CTNNA3: variants seen among roughly 807,000 people sequenced by gnomAD.
CTNNA3 encodes catenin alpha-3.
Under a neutral mutation model 95.7 loss-of-function variants are expected in CTNNA3, and 76 were observed. That is an observed-to-expected ratio of 0.79 (90% CI 0.66 to 0.96). CTNNA3 has a LOEUF of 0.96. Ranked by LOEUF, CTNNA3 falls within the 40% of genes least tolerant of loss-of-function variation. The pLI is 0.00. For missense variants in CTNNA3, 1,191 were observed against 1,089.8 expected, an observed-to-expected ratio of 1.09 and a Z score of -1.31; for synonymous variants, 431 against 374.4, an observed-to-expected ratio of 1.15 and a Z score of -1.74.
At chr10:66,393,090 A>T (rs1038264940) in intron 11 of CTNNA3, among the ~76,000 whole-genome samples, 1 of 152,250 alleles carries the variant, frequency 6.6e-6, no homozygotes, top group African/African-American at 2.4e-5. Context: ...CCAAGAAAAG[A>T]CATGCAGGAA....
rs556547553 is a variant in CTNNA3, at chr10:66,448,142, A to C, written c.1532-68790T>G. Among the ~76,000 whole-genome samples the C allele has an allele frequency of 1.1e-3, 165 of 152,248 alleles. 1 individual carries two copies. Among genetic ancestry groups the C allele is most frequent in the African/African-American group, 3.7e-3 (154 of 41,556 alleles). ...CCACAATGAGATACCATCTCACACC[A>C]GTTAGAATGGCAATCATTAAAAAGT... On this transcript the variant is annotated intron_variant, in intron 11 of 17. Coordinates refer to ENST00000433211, the MANE Select transcript of CTNNA3 (RefSeq NM_013266.4).
At chr10:66,087,204 C>T (rs1170399446) in intron 14 of CTNNA3, among the ~76,000 whole-genome samples, 1 of 152,098 alleles carries the variant, frequency 6.6e-6, no homozygotes, top group Non-Finnish European at 1.5e-5. Context: ...ACACCATCTC[C>T]TCAAGCCCCT....
intron 7 of CTNNA3, among the ~76,000 whole-genome samples, chr10:66,786,724 A>C (rs1267990801): frequency 6.6e-6 from 1 of 152,206 alleles, no homozygotes; most frequent in Non-Finnish European, 1.5e-5. Flanking sequence ...TTTAAATTCC[A>C]AAAGCTACCT....
intron 11 of CTNNA3, among the ~76,000 whole-genome samples, chr10:66,516,576 G>T (rs547773084): frequency 6.6e-6 from 1 of 152,240 alleles, no homozygotes; most frequent in East Asian, 1.9e-4. Flanking sequence ...CTGCAAAGGT[G>T]GGGGTATTTA....
intron 7 of CTNNA3, among the ~76,000 whole-genome samples, chr10:66,947,880 T>C (rs1018181405): frequency 3.0e-4 from 45 of 152,320 alleles, no homozygotes; most frequent in African/African-American, 1.1e-3. Context: ...TTAGGCAATT[T>C]TGTCATTGTG....
intron 1 of CTNNA3, among the ~76,000 whole-genome samples, chr10:67,686,774 C>A (rs762940326): frequency 4.6e-5 from 7 of 152,228 alleles, no homozygotes; most frequent in Non-Finnish European, 8.8e-5. Flanking sequence ...TGAGTAAGGA[C>A]CCCAAGAGCT....
intron 9 of CTNNA3, among the ~76,000 whole-genome samples, chr10:66,722,767 T>A (rs568078859): frequency 6.6e-6 from 1 of 151,830 alleles, no homozygotes; most frequent in East Asian, 1.9e-4. Context: ...TGTAAACTTA[T>A]AAGAAGTTTC....
In CTNNA3 at chr10:66,845,713, A is replaced by ATAAATAAAT. The variant is rs1380021748; in HGVS notation, c.1048-70190_1048-70189insATTTATTTA. On this transcript the variant is annotated intron_variant, in intron 7 of 17. Coordinates refer to ENST00000433211, the MANE Select transcript of CTNNA3 (RefSeq NM_013266.4). ...AGCAAAACTCTGTCTCAAAAAAAAAAAAAAAAAAAAAAAAAACTAAAAAGG... is the reference window on the plus strand; with the variant it reads ...AGCAAAACTCTGTCTCAAAAAAAAAATAAATAAATAAAAAAAAAAAAAAAACTAAAAAGG... Among the ~76,000 whole-genome samples the ATAAATAAAT allele has an allele frequency of 1.1e-4, 14 of 123,380 alleles. 2 individuals carry two copies. Among genetic ancestry groups the ATAAATAAAT allele is most frequent in the East Asian group, 2.2e-4 (1 of 4,626 alleles). The allele number at this position is 123,380 out of a possible 152,430, so 80.9% of individuals were successfully genotyped here.
At chr10:67,112,936 T>C (rs995924699) in intron 7 of CTNNA3, among the ~76,000 whole-genome samples, 3 of 152,144 alleles carry the variant, frequency 2.0e-5, no homozygotes, top group African/African-American at 7.2e-5. Context: ...AAAGATTCCC[T>C]TGGGAAATGG....
intron 5 of CTNNA3, among the ~76,000 whole-genome samples, chr10:67,489,491 T>C (rs1848573544): frequency 6.6e-6 from 1 of 152,164 alleles, no homozygotes; most frequent in African/African-American, 2.4e-5. Flanking sequence ...TTTGCTCTTT[T>C]GACAGTAACC....
chr10:66,910,831 C>T (rs1188689082), intron 7 of CTNNA3, among the ~76,000 whole-genome samples: 1 of 152,200 alleles, frequency 6.6e-6, no homozygotes, highest in Non-Finnish European at 1.5e-5. Flanking sequence ...AAAATGACAA[C>T]CTTGTGCGTC....
At chr10:66,676,983 T>C (rs1190717660) in intron 9 of CTNNA3, among the ~76,000 whole-genome samples, 1 of 152,102 alleles carries the variant, frequency 6.6e-6, no homozygotes, top group Admixed American at 6.6e-5. Context: ...AGCCACATTC[T>C]GGTGGTACTG....
chr10:66,404,780 G>C (rs1295154008), intron 11 of CTNNA3, among the ~76,000 whole-genome samples: 1 of 112,794 alleles, frequency 8.9e-6, no homozygotes, highest in Non-Finnish European at 1.7e-5. Flanking sequence ...TTTTTCCTGT[G>C]GGTTTTTTTT....
At chr10:67,419,905 G>T (rs189154187) in intron 5 of CTNNA3, among the ~76,000 whole-genome samples, 6 of 151,988 alleles carry the variant, frequency 3.9e-5, no homozygotes, top group African/African-American at 1.4e-4. Flanking sequence ...AGGCTGGAGT[G>T]CAGTGGCACG....
intron 5 of CTNNA3, among the ~76,000 whole-genome samples, chr10:67,355,124 G>GGGGT (rs1378811033): frequency 1.3e-5 from 2 of 151,946 alleles, no homozygotes; most frequent in African/African-American, 4.8e-5. Context: ...TTGTCAAAGT[G>GGGGT]GGGTATGTCA....
intron 17 of CTNNA3, among the ~76,000 whole-genome samples, chr10:65,932,158 G>C (rs1233742026): frequency 2.0e-5 from 3 of 152,098 alleles, no homozygotes; most frequent in East Asian, 3.9e-4. Context: ...TTCTCTCTCT[G>C]AGTCTGTTTT....
intron 11 of CTNNA3, among the ~76,000 whole-genome samples, chr10:66,455,152 A>G (rs924037984): frequency 3.9e-5 from 6 of 152,192 alleles, no homozygotes; most frequent in Non-Finnish European, 5.9e-5. Flanking sequence ...TGTGACTAAT[A>G]TCATACTTAA....
At chr10:66,357,981 C>T (rs61867315) in intron 12 of CTNNA3, among the ~76,000 whole-genome samples, 13,376 of 152,182 alleles carry the variant, frequency 0.088, 773 homozygotes, top group South Asian at 0.17. Context: ...TTTAAAGGTA[C>T]GTGTCCTTCA....
chr10:66,374,521 A>C (rs551589285), intron 12 of CTNNA3, among the ~76,000 whole-genome samples: 1 of 151,730 alleles, frequency 6.6e-6, no homozygotes, highest in South Asian at 2.1e-4. Flanking sequence ...ATACGACACA[A>C]TGGTAGGCCC....
Sources: gnomAD v4.1 joint callset for allele counts (sites outside exome capture counted in the v4.1 genomes callset) on GRCh38, gnomAD v4.1.1 for gene constraint, MANE v1.5 for transcripts, NCBI Gene and HGNC (gene_info 2026-07-23, HGNC 2026-07-21) for gene names.